Variants in RAB6B observed in about 807,000 individuals in gnomAD.
RAB6B encodes the protein ras-related protein Rab-6B.
RAB6B carries 7 observed loss-of-function variants against 31.2 expected under a neutral mutation model. The observed-to-expected ratio is 0.22, with a 90% CI of 0.13 to 0.42. The LOEUF (loss-of-function observed/expected upper bound fraction) is 0.42. Among genes scored for constraint, RAB6B ranks in the 10% least tolerant of loss-of-function variants. The pLI is 1.00. For missense variants in RAB6B, 149 were observed against 280.6 expected (o/e 0.53, Z 3.35); for synonymous variants, 105 against 104.9 (o/e 1.00, Z -0.01).
intron 1 of RAB6B, among the ~76,000 whole-genome samples, chr3:133,880,779 G>A (rs1381589482): frequency 6.6e-6 from 1 of 152,214 alleles, no homozygotes; most frequent in African/African-American, 2.4e-5. Flanking sequence ...GGTGAGGGGA[G>A]CACAAGGGGC....
rs774666750 is a variant in RAB6B at position 133,828,713 on chromosome 3, C to A, written c.*75G>T. 90 of 1,471,568 alleles carry A rather than the reference C, an allele frequency of 6.1e-5. No individual in the cohort carries two copies. In the Admixed American group the frequency reaches 8.0e-4, roughly 13 times the overall value. The allele number at this position is 1,471,568 out of a possible 1,614,324, so 91.2% of individuals were successfully genotyped here. ...CATCTTGATAACTCGGTTCCCTCCC[C>A]CCTTAGGAAGCTAGCCAATAGGAAG... On this transcript the variant is annotated 3_prime_UTR_variant, in exon 8 of 8. Transcript: ENST00000285208.
Position 133,838,326 on chromosome 3 carries a change from G to T in RAB6B, c.402-67C>A, listed in dbSNP as rs978485616. 5 of 1,436,056 alleles carry T rather than the reference G, an allele frequency of 3.5e-6. No individual in the cohort carries two copies. In the African/African-American group the frequency reaches 4.2e-5, roughly 12 times the overall value. The allele number at this position is 1,436,056 out of a possible 1,614,324, so 89.0% of individuals were successfully genotyped here. ...GCAGACCCTGGCAGATATGAGGAGG[G>T]ACCCACCCAGCAGGGCAGAGGGAGC... On this transcript the variant is annotated intron_variant, in intron 5 of 7. Coordinates refer to ENST00000285208, the MANE Select transcript of RAB6B (RefSeq NM_016577.4).
rs1349102496 is a variant in RAB6B at position 133,864,642 on chromosome 3, A to G, written c.71T>C (p.Val24Ala). ...FKLVFLGEQSVGKTSLITRFM... is the reference protein window; with the variant it reads ...FKLVFLGEQSAGKTSLITRFM... ...CCTCGTAATCAGAGACGTCTTCCCG[A>G]CTGCAAAACAACAAGGAGAGAGGTG... Residue 24 changes from valine (V) to alanine (A), a missense_variant and splice_region_variant, in exon 2 of 8, where the codon GTC becomes GCC. Val to Ala is a moderately conservative substitution (Grantham distance 64). This residue lies in a region of RAB6B where 75 missense variants were observed against 180.1 expected (regional missense o/e 0.42). Coordinates refer to ENST00000285208, the MANE Select transcript of RAB6B (RefSeq NM_016577.4). 1.9e-6 allele frequency: 3 copies of G among 1,613,890 alleles called. No homozygotes were observed. Among genetic ancestry groups the G allele is most frequent in the African/African-American group, 1.3e-5 (1 of 74,930 alleles).
rs144269069 is a variant in RAB6B, at chr3:133,838,213, C to G, written c.448G>C (p.Val150Leu). Reference sequence around the variant, plus strand: ...TTCGCACTGGTCTCAATGAACATGACGCTCAGTTCTTTGGCGCGCTGCTCC... The same window carrying G: ...TTCGCACTGGTCTCAATGAACATGAGGCTCAGTTCTTTGGCGCGCTGCTCC... ...EGEQRAKELS[V>L]MFIETSAKTG... The change falls in exon 6 of 8, where the codon GTC becomes CTC. Residue 150 changes from valine to leucine, a missense_variant. Physicochemically the swap from Val to Leu is conservative, Grantham distance 32. This residue lies in a region of RAB6B where 74 missense variants were observed against 100.5 expected (regional missense o/e 0.74). Coordinates refer to ENST00000285208, the MANE Select transcript of RAB6B (RefSeq NM_016577.4). The G allele has an allele frequency of 6.2e-7, 1 of 1,614,198 alleles. No homozygotes were observed. The highest frequency in any genetic ancestry group is 8.5e-7 in the Non-Finnish European group (1 of 1,180,032).
chr3:133,866,997 A>G (rs1405542989), intron 1 of RAB6B, among the ~76,000 whole-genome samples: 2 of 152,230 alleles, frequency 1.3e-5, no homozygotes, highest in African/African-American at 2.4e-5. Flanking sequence ...CTCCAAGCAC[A>G]GAGAGGAGAG....
intron 7 of RAB6B, among the ~76,000 whole-genome samples, chr3:133,833,220 TG>T (rs1935680761): frequency 6.6e-6 from 1 of 152,190 alleles, no homozygotes; most frequent in Admixed American, 6.5e-5. Context: ...GGCTCTCTCC[TG>T]AGCTCTGGAG....
chr3:133,876,703 G>T (rs1033901542), intron 1 of RAB6B, among the ~76,000 whole-genome samples: 4 of 152,158 alleles, frequency 2.6e-5, no homozygotes, highest in African/African-American at 9.7e-5. Context: ...CCAATATTGA[G>T]CTTTTTATAA....
intron 1 of RAB6B, among the ~76,000 whole-genome samples, chr3:133,867,683 T>C (rs536433778): frequency 7.6e-4 from 116 of 152,246 alleles, no homozygotes; most frequent in Non-Finnish European, 1.3e-3. Flanking sequence ...CCCCACTTGG[T>C]AGGGGCTTGA....
At chr3:133,858,120 G>A (rs980655485) in intron 2 of RAB6B, among the ~76,000 whole-genome samples, 1 of 152,136 alleles carries the variant, frequency 6.6e-6, no homozygotes, top group African/African-American at 2.4e-5. Flanking sequence ...CCTACCCAGG[G>A]ATCCCAACCC....
At chr3:133,847,350 G>A (rs147091416) in intron 2 of RAB6B, among the ~76,000 whole-genome samples, 44 of 152,290 alleles carry the variant, frequency 2.9e-4, no homozygotes, top group African/African-American at 1.0e-3. Flanking sequence ...ATCCCCACAC[G>A]CCTCCAGGCT....
intron 1 of RAB6B, among the ~76,000 whole-genome samples, chr3:133,875,305 A>G (rs1223251065): frequency 6.6e-6 from 1 of 152,146 alleles, no homozygotes; most frequent in East Asian, 1.9e-4. Flanking sequence ...AAGAATACTT[A>G]AGATCTACTC....
Position 133,828,671 on chromosome 3 carries a change from G to GA in RAB6B, c.*116dup, listed in dbSNP as rs925081971. On this transcript the variant is annotated 3_prime_UTR_variant, in exon 8 of 8. Coordinates refer to ENST00000285208, the MANE Select transcript of RAB6B (RefSeq NM_016577.4). ...CCCACCCTACTCCTAAAGACAGAGA[G>GA]AAAAGAAAAATCCTCCCATCTTGAT... 2.1e-6 allele frequency: 2 copies of GA among 953,084 alleles called. No homozygotes were observed. The highest frequency in any genetic ancestry group is 3.3e-6 in the Non-Finnish European group (2 of 608,726). 59.0% of individuals were successfully genotyped at this position (953,084 alleles called of 1,614,324 possible).
chr3:133,851,968 C>T (rs985732667), intron 2 of RAB6B, among the ~76,000 whole-genome samples: 3 of 152,138 alleles, frequency 2.0e-5, no homozygotes, highest in Admixed American at 6.5e-5. Context: ...TAATGAGAAA[C>T]GACCACACTT....
At chr3:133,856,015 A>G (rs1936071195) in intron 2 of RAB6B, among the ~76,000 whole-genome samples, 1 of 151,936 alleles carries the variant, frequency 6.6e-6, no homozygotes, top group Admixed American at 6.6e-5. Context: ...TGATGTCTGG[A>G]GCAGCAACAG....
chr3:133,872,972 G>A (rs547688749), intron 1 of RAB6B, among the ~76,000 whole-genome samples: 40 of 152,142 alleles, frequency 2.6e-4, no homozygotes, highest in Admixed American at 1.2e-3. Flanking sequence ...GGCTGGTCTG[G>A]CCCAGGCCCT....
At chr3:133,865,473 C>T (rs893989678) in intron 1 of RAB6B, among the ~76,000 whole-genome samples, 3 of 152,260 alleles carry the variant, frequency 2.0e-5, no homozygotes, top group African/African-American at 7.2e-5. Flanking sequence ...ATGCCAACTG[C>T]TGCATTTCTA....
rs771551259 is a variant in RAB6B, at chr3:133,838,190, C to T, written c.471G>A (p.Ala157=). The change falls in exon 6 of 8, where the codon GCG becomes GCA. Residue 157 remains alanine, a synonymous_variant. Coordinates refer to ENST00000285208, the MANE Select transcript of RAB6B (RefSeq NM_016577.4). The part of the protein sequence containing the change: ...ELSVMFIETS[A]KTGYNVKQLF... ...CCTGCTTCACGTTGTAGCCAGTCTT[C>T]GCACTGGTCTCAATGAACATGACGC... is the stretch of plus-strand genomic sequence containing the variant. The T allele has an allele frequency of 1.8e-5, 29 of 1,614,032 alleles. No homozygotes were observed. Among genetic ancestry groups the T allele is most frequent in the Admixed American group, 3.3e-5 (2 of 60,008 alleles).
intron 1 of RAB6B, among the ~76,000 whole-genome samples, chr3:133,888,596 G>A (rs1576411895): frequency 6.6e-6 from 1 of 152,304 alleles, no homozygotes; most frequent in South Asian, 2.1e-4. Context: ...TTGTTACCAA[G>A]AGATCAGAAT....
chr3:133,869,282 T>C (rs1936283957), intron 1 of RAB6B, among the ~76,000 whole-genome samples: 1 of 151,998 alleles, frequency 6.6e-6, no homozygotes, highest in Non-Finnish European at 1.5e-5. Flanking sequence ...AGCCAGACAG[T>C]GTGTGAGGAA....
Sources: gnomAD v4.1 joint callset for allele counts (sites outside exome capture counted in the v4.1 genomes callset) on GRCh38, gnomAD v4.1.1 for gene constraint, gnomAD v4.1.1 regional missense constraint, MANE v1.5 for transcripts, NCBI Gene and HGNC (gene_info 2026-07-23, HGNC 2026-07-21) for gene names.